The following PHAX variants were observed in gnomAD, a reference collection of about 807,000 sequenced individuals.
PHAX encodes phosphorylated adapter RNA export protein.
A neutral mutation model predicts 41.6 loss-of-function variants in PHAX; 31 were observed. The observed-to-expected ratio is 0.75, with a 90% CI of 0.56 to 1.01. The LOEUF is 1.01. Among genes scored for constraint, PHAX ranks in the 50% least tolerant of loss-of-function variants. PHAX has a pLI of 0.00. For missense variants in PHAX, 453 were observed against 472.9 expected, an observed-to-expected ratio of 0.96 and a Z score of 0.39; for synonymous variants, 175 against 164.9, an observed-to-expected ratio of 1.06 and a Z score of -0.47.
At chr5:126,602,192 C>T (rs1043786894) in intron 1 of PHAX, among the ~76,000 whole-genome samples, 1 of 152,234 alleles carries the variant, frequency 6.6e-6, no homozygotes, top group African/African-American at 2.4e-5. Flanking sequence ...AGTGATCCAC[C>T]CGCCTCGGCC....
intron 2 of PHAX, among the ~76,000 whole-genome samples, chr5:126,604,404 A>G (rs574675837): frequency 4.0e-5 from 6 of 149,344 alleles, no homozygotes; most frequent in South Asian, 2.1e-4. Flanking sequence ...AGCTGGGACC[A>G]CAGGTATGCA....
chr5:126,622,706 A>G (rs541821130), intron 4 of PHAX, among the ~76,000 whole-genome samples: 201 of 152,244 alleles, frequency 1.3e-3, no homozygotes, highest in African/African-American at 4.7e-3. Context: ...AGATGCTTGG[A>G]TATGCTTCCA....
intron 4 of PHAX, among the ~76,000 whole-genome samples, chr5:126,621,781 C>G (rs1035400087): frequency 6.6e-6 from 1 of 151,724 alleles, no homozygotes; most frequent in African/African-American, 2.4e-5. Context: ...AGATCCTTAA[C>G]TTGGAGAGTT....
At position 126,603,724 on chromosome 5, in the gene PHAX, G is replaced by A. The variant is rs1405097575; in HGVS notation, c.251G>A (p.Arg84Gln). The A allele has an allele frequency of 3.7e-6, 6 of 1,613,966 alleles. No homozygotes were observed. Among genetic ancestry groups the A allele is most frequent in the Non-Finnish European group, 3.4e-6 (4 of 1,180,034 alleles). Residue 84 changes from arginine to glutamine, a missense_variant, in exon 2 of 5, where the codon CGA becomes CAA. By Grantham distance (43) the Arg-to-Gln change is conservative. Coordinates refer to ENST00000297540, the MANE Select transcript of PHAX (RefSeq NM_032177.4). ...DDDSCLWKRK[R>Q]QKCFNPPPKP... ...GATAGCTGTCTTTGGAAACGCAAAC[G>A]ACAGAAATGTTTTAACCCTCCTCCC...
Position 126,617,315 on chromosome 5 carries a change from C to G in PHAX, c.897C>G (p.Ile299Met). ...ATCTCTTGAAAAACACTCCTAGTATCAGCGAGGAACAAATTAAGGTAATGA... is the reference window on the plus strand; with the variant it reads ...ATCTCTTGAAAAACACTCCTAGTATGAGCGAGGAACAAATTAAGGTAATGA... ...FLNLLKNTPS[I>M]SEEQIKDIFY... The change falls in exon 4 of 5, where the codon ATC becomes ATG. Residue 299 changes from isoleucine to methionine, a missense_variant. Transcript: ENST00000297540. The G allele has an allele frequency of 6.2e-7, 1 of 1,604,810 alleles. No individual in the cohort carries two copies. Among genetic ancestry groups the G allele is most frequent in the Non-Finnish European group, 8.5e-7 (1 of 1,172,400 alleles).
intron 3 of PHAX, among the ~76,000 whole-genome samples, chr5:126,611,512 T>C (rs973609217): frequency 6.6e-6 from 1 of 152,110 alleles, no homozygotes. Flanking sequence ...AAGTGATACA[T>C]TGACCAGATG....
chr5:126,616,087 C>CTT (rs1431835290), intron 3 of PHAX, among the ~76,000 whole-genome samples: 14 of 121,072 alleles, frequency 1.2e-4, no homozygotes, highest in Non-Finnish European at 2.1e-4. Context: ...TTGCATGAGA[C>CTT]TTTGTCTCAA....
chr5:126,611,525 C>G (rs1752100779), intron 3 of PHAX, among the ~76,000 whole-genome samples: 1 of 152,142 alleles, frequency 6.6e-6, no homozygotes, highest in African/African-American at 2.4e-5. Flanking sequence ...ACCAGATGCA[C>G]CTGTAATCCC....
intron 3 of PHAX, among the ~76,000 whole-genome samples, chr5:126,612,476 G>T (rs1364020394): frequency 6.6e-6 from 1 of 152,156 alleles, no homozygotes; most frequent in Non-Finnish European, 1.5e-5. Flanking sequence ...GAGGTGGGCG[G>T]ATCACCTGAG....
At chr5:126,604,264 T>A (rs1751954984) in intron 2 of PHAX, 81 bp downstream of exon 2, 3 of 1,202,180 alleles carry the variant, frequency 2.5e-6, no homozygotes, top group Non-Finnish European at 3.4e-6. Flanking sequence ...AATACTTTAA[T>A]GATATGTTCC....
intron 4 of PHAX, among the ~76,000 whole-genome samples, chr5:126,622,269 G>A (rs1752283337): frequency 1.3e-5 from 2 of 151,958 alleles, no homozygotes; most frequent in African/African-American, 4.8e-5. Context: ...AAGTAGCTTG[G>A]ATTATAGGCT....
chr5:126,601,113 CG>C, intron 1 of PHAX, 55 bp downstream of exon 1: 1 of 1,250,934 alleles, frequency 8.0e-7, no homozygotes, highest in Non-Finnish European at 1.1e-6. Context: ...GCCTGGGCCC[CG>C]GGGAGCGCGC....
rs191804124 is a variant in PHAX at position 126,625,955 on chromosome 5, A to T, written c.*1111A>T. 6.6e-6 allele frequency: 1 copy of T among 152,250 alleles called. No individual in the cohort carries two copies. The highest frequency in any genetic ancestry group is 6.5e-5 in the Admixed American group (1 of 15,282). 9.4% of individuals were successfully genotyped at this position (152,250 alleles called of 1,614,324 possible). ...AATGATCTGCCCACCTCTGCCTCCC[A>T]AAGTGCTGGGATCACAGGCATGAGC... is the stretch of plus-strand genomic sequence containing the variant. On this transcript the variant is annotated 3_prime_UTR_variant, in exon 5 of 5. Transcript: ENST00000297540.
rs1372632595 is a variant in PHAX at position 126,626,212 on chromosome 5, T to A, written c.*1368T>A. On this transcript the variant is annotated 3_prime_UTR_variant, in exon 5 of 5. Coordinates refer to ENST00000297540, the MANE Select transcript of PHAX (RefSeq NM_032177.4). ...CTAGGCAATGTAGTGAGACCCTGTC[T>A]CTAATTTAAAAAAGAAAAAGAAAAA... The A allele has an allele frequency of 6.6e-6, 1 of 152,040 alleles. No homozygotes were observed. Among genetic ancestry groups the A allele is most frequent in the Admixed American group, 6.6e-5 (1 of 15,240 alleles). 9.4% of individuals were successfully genotyped at this position (152,040 alleles called of 1,614,324 possible).
At chr5:126,622,442 A>ATTTTTTTT (rs56297404) in intron 4 of PHAX, among the ~76,000 whole-genome samples, 3 of 56,072 alleles carry the variant, frequency 5.4e-5, no homozygotes, top group Non-Finnish European at 9.8e-5. Flanking sequence ...TAATTTTTGT[A>ATTTTTTTT]TTTTTTTTTT....
At chr5:126,617,212 G>T in intron 3 of PHAX, 38 bp from the exon 4 acceptor site, 1 of 1,280,678 alleles carries the variant, frequency 7.8e-7, no homozygotes, top group South Asian at 1.2e-5. Context: ...TTTATGGGAA[G>T]AGTATATGCA....
Position 126,622,864 on chromosome 5 carries a change from C to T in PHAX, c.916-1711C>T, listed in dbSNP as rs1412308585. Among the ~76,000 whole-genome samples the T allele has an allele frequency of 2.6e-5, 4 of 151,886 alleles. No homozygotes were observed. The East Asian group carries it at 7.8e-4, about 29-fold the overall frequency. On this transcript the variant is annotated intron_variant, in intron 4 of 4. Coordinates refer to ENST00000297540, the MANE Select transcript of PHAX (RefSeq NM_032177.4). The stretch of plus-strand genomic sequence containing the variant: ...CATTGGGCCGGGCGCGGTGGCTTAC[C>T]CCTGTAATCCCAGCACTTTGGGAGG...
At chr5:126,624,472 T>C in intron 4 of PHAX, 103 bp from the exon 5 acceptor site, 1 of 936,120 alleles carries the variant, frequency 1.1e-6, no homozygotes, top group Non-Finnish European at 1.6e-6. Context: ...AATACTTGTA[T>C]TTTTTGTAAG....
At position 126,623,068 on chromosome 5, in the gene PHAX, G is replaced by A. The variant is rs187657408; in HGVS notation, c.916-1507G>A. ...TTGAACCCTGGAAATGGAGATTGCAGTGAGCCGAGATCAGACGACTACACT... is the reference window on the plus strand; with the variant it reads ...TTGAACCCTGGAAATGGAGATTGCAATGAGCCGAGATCAGACGACTACACT... On this transcript the variant is annotated intron_variant, in intron 4 of 4. Transcript: ENST00000297540. Among the ~76,000 whole-genome samples the A allele has an allele frequency of 3.6e-4, 55 of 152,094 alleles. 1 individual carries two copies. The highest frequency in any genetic ancestry group is 1.3e-3 in the African/African-American group (54 of 41,502).
Sources: gnomAD v4.1 joint callset for allele counts (sites outside exome capture counted in the v4.1 genomes callset) on GRCh38, gnomAD v4.1.1 for gene constraint, MANE v1.5 for transcripts, NCBI Gene and HGNC (gene_info 2026-07-23, HGNC 2026-07-21) for gene names.